Variants in DPP10 observed in about 807,000 individuals in gnomAD.
DPP10 encodes dipeptidyl peptidase like 10.
DPP10 carries 33 observed loss-of-function variants against 120.9 expected under a neutral mutation model. That is an observed-to-expected ratio of 0.27 (90% CI 0.21 to 0.37). DPP10 has a LOEUF of 0.37. Ranked by LOEUF, DPP10 falls within the 10% of genes least tolerant of loss-of-function variation. The pLI is 1.00. For synonymous variants in DPP10, 337 were observed against 326.1 expected, an observed-to-expected ratio of 1.03 and a Z score of -0.36; for missense variants, 816 against 942.8, an observed-to-expected ratio of 0.87 and a Z score of 1.76.
At chr2:115,577,366 T>C (rs2081738589) in intron 5 of DPP10, among the ~76,000 whole-genome samples, 1 of 152,218 alleles carries the variant, frequency 6.6e-6, no homozygotes, top group East Asian at 1.9e-4. Flanking sequence ...ATAAGGGGAC[T>C]TCATGCCAAT....
intron 1 of DPP10, among the ~76,000 whole-genome samples, chr2:114,621,917 A>G (rs1345120241): frequency 6.6e-6 from 1 of 151,854 alleles, no homozygotes; most frequent in Admixed American, 6.6e-5. Flanking sequence ...TGAGCGAGTG[A>G]CTAGCCCTGG....
At chr2:115,033,842 A>G (rs1420352506) in intron 1 of DPP10, among the ~76,000 whole-genome samples, 1 of 145,172 alleles carries the variant, frequency 6.9e-6, no homozygotes, top group East Asian at 2.0e-4. Flanking sequence ...CTGAGACTAC[A>G]TGCGTGAGCC....
At chr2:115,254,644 C>T (rs1559319743) in intron 1 of DPP10, among the ~76,000 whole-genome samples, 1 of 152,184 alleles carries the variant, frequency 6.6e-6, no homozygotes. Flanking sequence ...AAGTTAGTTA[C>T]TTCACAGATA....
chr2:115,346,172 G>T (rs895148525), intron 3 of DPP10, among the ~76,000 whole-genome samples: 3 of 152,122 alleles, frequency 2.0e-5, no homozygotes, highest in East Asian at 3.9e-4. Context: ...GCCTATTTAC[G>T]TATTCCTCAC....
chr2:115,455,021 A>C (rs536746233), intron 3 of DPP10, among the ~76,000 whole-genome samples: 1 of 150,876 alleles, frequency 6.6e-6, no homozygotes, highest in Non-Finnish European at 1.5e-5. Context: ...TAAGTATAAT[A>C]TATATTAATA....
At chr2:114,546,163 TAA>T (rs142662300) in intron 1 of DPP10, among the ~76,000 whole-genome samples, 2 of 150,894 alleles carry the variant, frequency 1.3e-5, no homozygotes, top group South Asian at 4.2e-4. Context: ...AGTAACTTAT[TAA>T]AAAAAAAGAG....
At chr2:115,822,641 T>C (rs941402973) in intron 21 of DPP10, among the ~76,000 whole-genome samples, 5 of 152,000 alleles carry the variant, frequency 3.3e-5, no homozygotes, top group African/African-American at 1.2e-4. Context: ...TAGTTATAGA[T>C]ATTTTTTCAT....
At chr2:115,747,744 C>T (rs779561056) in intron 10 of DPP10, among the ~76,000 whole-genome samples, 7 of 152,074 alleles carry the variant, frequency 4.6e-5, no homozygotes, top group Non-Finnish European at 7.4e-5. Context: ...CAGGCACCTG[C>T]CACCACGCCC....
At chr2:115,582,557 C>G (rs1306123018) in intron 5 of DPP10, among the ~76,000 whole-genome samples, 3 of 152,268 alleles carry the variant, frequency 2.0e-5, no homozygotes, top group Non-Finnish European at 4.4e-5. Context: ...GAGTGATGCT[C>G]TCTTGCCCTG....
intron 1 of DPP10, among the ~76,000 whole-genome samples, chr2:115,270,066 TCACACACACACACACACACACACACACA>T (rs57649162): frequency 1.5e-5 from 2 of 130,722 alleles, no homozygotes; most frequent in East Asian, 2.3e-4. Context: ...TAGGTATACT[TCACACACACACACACACACACACACACA>T]CACACACACA....
At chr2:115,536,684 A>C (rs1303780044) in intron 5 of DPP10, among the ~76,000 whole-genome samples, 1 of 152,026 alleles carries the variant, frequency 6.6e-6, no homozygotes, top group Non-Finnish European at 1.5e-5. Context: ...GCTTTTTCTA[A>C]GGTAAATGAA....
At chr2:115,053,369 G>T (rs1705658817) in intron 1 of DPP10, among the ~76,000 whole-genome samples, 1 of 152,112 alleles carries the variant, frequency 6.6e-6, no homozygotes. Context: ...AGACACAAAG[G>T]TCACATATTG....
rs1459930674 is a variant in DPP10, at chr2:114,765,359, T to C, written c.60+322521T>C. ...AGCAAAAGCTGTCTAAAAATGGTTCTGATATATCCCAAAGAGGTTATGAAT... is the reference window on the plus strand; with the variant it reads ...AGCAAAAGCTGTCTAAAAATGGTTCCGATATATCCCAAAGAGGTTATGAAT... On this transcript the variant is annotated intron_variant, in intron 1 of 25. Transcript: ENST00000410059. Among the ~76,000 whole-genome samples, 4 of 152,198 alleles carry C rather than the reference T, an allele frequency of 2.6e-5. No homozygotes were observed. The East Asian group carries it at 7.7e-4, about 29-fold the overall frequency.
At chr2:115,312,997 G>T (rs2061645197) in intron 2 of DPP10, among the ~76,000 whole-genome samples, 1 of 152,170 alleles carries the variant, frequency 6.6e-6, no homozygotes, top group Non-Finnish European at 1.5e-5. Flanking sequence ...GCCGAGGTGG[G>T]AGGATCACGA....
intron 5 of DPP10, among the ~76,000 whole-genome samples, chr2:115,558,846 T>C (rs986818999): frequency 3.3e-5 from 5 of 152,198 alleles, no homozygotes; most frequent in African/African-American, 1.2e-4. Context: ...CATTTTCCCA[T>C]GTCAATTGGT....
At chr2:114,521,287 C>CACACACACACAT in intron 1 of DPP10, among the ~76,000 whole-genome samples, 1 of 150,400 alleles carries the variant, frequency 6.6e-6, no homozygotes, top group African/African-American at 2.5e-5. Context: ...CACACACACA[C>CACACACACACAT]AAAGTGTTGA....
At position 115,776,065 on chromosome 2, in the gene DPP10, T is replaced by A. The variant is rs62156291; in HGVS notation, c.1222-1143T>A. Among the ~76,000 whole-genome samples the A allele has an allele frequency of 3.1e-3, 473 of 152,256 alleles. 1 individual carries two copies. Among genetic ancestry groups the A allele is most frequent in the South Asian group, 0.01 (50 of 4,828 alleles). On this transcript the variant is annotated intron_variant, in intron 13 of 25. Coordinates refer to ENST00000410059, the MANE Select transcript of DPP10 (RefSeq NM_020868.6). ...ATTGATAATGGAGCAGTAGTAATAT[T>A]CCCTTTAAAATCAGCACTGAGATAA...
At chr2:115,016,620 A>T (rs1702658559) in intron 1 of DPP10, among the ~76,000 whole-genome samples, 1 of 152,128 alleles carries the variant, frequency 6.6e-6, no homozygotes, top group Non-Finnish European at 1.5e-5. Flanking sequence ...CAAAGGGCTA[A>T]TATCCAGAAT....
At chr2:114,966,603 A>G (rs977886495) in intron 1 of DPP10, among the ~76,000 whole-genome samples, 9 of 152,220 alleles carry the variant, frequency 5.9e-5, no homozygotes, top group African/African-American at 1.9e-4. Context: ...TTCTTCACAG[A>G]CAGCCCAGTC....
Sources: gnomAD v4.1 joint callset for allele counts (sites outside exome capture counted in the v4.1 genomes callset) on GRCh38, gnomAD v4.1.1 for gene constraint, MANE v1.5 for transcripts, NCBI Gene and HGNC (gene_info 2026-07-23, HGNC 2026-07-21) for gene names.